The following DIP2C variants were observed in gnomAD, a reference collection of about 807,000 sequenced individuals.
DIP2C encodes the protein disco-interacting protein 2 homolog C.
DIP2C carries 33 observed loss-of-function variants against 192.4 expected under a neutral mutation model. That is an observed-to-expected ratio of 0.17 (90% CI 0.13 to 0.23). The LOEUF (loss-of-function observed/expected upper bound fraction) is 0.23, where lower values mean the gene tolerates loss of function less well. Ranked by LOEUF, DIP2C falls within the 10% of genes least tolerant of loss-of-function variation. The pLI is 1.00. For missense variants in DIP2C, 1,537 were observed against 2,110.1 expected, an observed-to-expected ratio of 0.73 and a Z score of 5.32; for synonymous variants, 979 against 864.1, an observed-to-expected ratio of 1.13 and a Z score of -2.33.
chr10:383,170 A>G (rs1243002860), intron 16 of DIP2C, among the ~76,000 whole-genome samples: 2 of 152,262 alleles, frequency 1.3e-5, no homozygotes, highest in Non-Finnish European at 2.9e-5. Context: ...AAATATAGAT[A>G]TACTTTTCTT....
chr10:683,281 C>T (rs1235401749), intron 1 of DIP2C, among the ~76,000 whole-genome samples: 1 of 152,214 alleles, frequency 6.6e-6, no homozygotes, highest in Non-Finnish European at 1.5e-5. Flanking sequence ...GCGGAGCCCT[C>T]GTTCCGCAGC....
intron 31 of DIP2C, chr10:324,900 C>A (rs1198725049): frequency 1.9e-6 from 1 of 530,284 alleles, no homozygotes; most frequent in Non-Finnish European, 3.9e-6. Flanking sequence ...TCTTTCATCT[C>A]CATGTTTTGG....
chr10:417,502 A>C lies in DIP2C; in HGVS notation c.739+1563T>G, dbSNP rs567322209. 2.0e-5 allele frequency among the ~76,000 whole-genome samples: 3 copies of C among 152,354 alleles called. No individual in the cohort carries two copies. In the East Asian group the frequency reaches 5.8e-4, roughly 29 times the overall value. On this transcript the variant is annotated intron_variant, in intron 6 of 36. Coordinates refer to ENST00000280886, the MANE Select transcript of DIP2C (RefSeq NM_014974.3). ...TTCCAGGAAAAGTCATCGCACTGGC[A>C]ATCAGGGCGATTTCAAGCGCACTAA...
intron 1 of DIP2C, among the ~76,000 whole-genome samples, chr10:489,917 T>G (rs1251908156): frequency 5.1e-5 from 1 of 19,646 alleles, no homozygotes. Context: ...CGGTGCCTGG[T>G]CCTTCCTCCA....
At chr10:542,904 C>T (rs554860552) in intron 1 of DIP2C, among the ~76,000 whole-genome samples, 2 of 151,890 alleles carry the variant, frequency 1.3e-5, no homozygotes, top group East Asian at 1.9e-4. Flanking sequence ...GGGTTCTGAC[C>T]CTGCCTCTCT....
chr10:363,636 C>A lies in DIP2C; in HGVS notation c.2478-325G>T, dbSNP rs919997060. Reference sequence around the variant, plus strand: ...AGACCTGCTGAAATTTAGGGAGTCACACCCTTCACAGCTCGAGTTTGCACC... The same window carrying A: ...AGACCTGCTGAAATTTAGGGAGTCAAACCCTTCACAGCTCGAGTTTGCACC... On this transcript the variant is annotated intron_variant, in intron 20 of 36. Transcript: ENST00000280886. This position sits in a 1 kb window ranked among gnomAD's most constrained non-coding sequence, Gnocchi z 5.4. 1.1e-4 allele frequency among the ~76,000 whole-genome samples: 16 copies of A among 152,224 alleles called. No individual in the cohort carries two copies. Among genetic ancestry groups the A allele is most frequent in the African/African-American group, 3.1e-4 (13 of 41,454 alleles).
At chr10:668,385 TCA>T (rs1242085360) in intron 1 of DIP2C, 2 of 151,226 alleles carry the variant, frequency 1.3e-5, no homozygotes, top group Non-Finnish European at 1.5e-5. Context: ...CACATGGAAC[TCA>T]CAAACACGTA....
intron 8 of DIP2C, among the ~76,000 whole-genome samples, chr10:409,483 C>A (rs1965039594): frequency 6.6e-6 from 1 of 152,228 alleles, no homozygotes; most frequent in Non-Finnish European, 1.5e-5. Flanking sequence ...ATGACTCCAA[C>A]AGTCAGAGCT....
chr10:474,823 G>A (rs1218497049), intron 2 of DIP2C, among the ~76,000 whole-genome samples: 1 of 152,178 alleles, frequency 6.6e-6, no homozygotes, highest in Non-Finnish European at 1.5e-5. Flanking sequence ...ACTTCACTCT[G>A]ATGCTATAAT....
rs749822515 is a variant in DIP2C, at chr10:337,800, C to CGTGTGTTGTGGAGGCCCAGGCAGCTGTGT, written c.3584+3398_3584+3399insACACAGCTGCCTGGGCCTCCACAACACAC. Among the ~76,000 whole-genome samples the CGTGTGTTGTGGAGGCCCAGGCAGCTGTGT allele has an allele frequency of 2.4e-5, 3 of 122,548 alleles. 1 individual carries two copies. The highest frequency in any genetic ancestry group is 6.7e-5 in the African/African-American group (2 of 29,832). 80.4% of individuals were successfully genotyped at this position (122,548 alleles called of 152,430 possible). A position where few individuals can be genotyped will look rare whatever the true frequency, so the allele number is the denominator to read the frequency against. ...AGGCCTAGGCAGCTGTGTGTGTGCA[C>CGTGTGTTGTGGAGGCCCAGGCAGCTGTGT]GTGTGTCGTGGAGGCCTACGCAGCT... On this transcript the variant is annotated intron_variant, in intron 29 of 36. Transcript: ENST00000280886.
intron 1 of DIP2C, among the ~76,000 whole-genome samples, chr10:493,238 T>C (rs1045577331): frequency 6.6e-6 from 1 of 152,212 alleles, no homozygotes. Flanking sequence ...CAGGCAAGCA[T>C]AATTTCTCCA....
rs527738591 is a variant in DIP2C, at chr10:363,986, G to A, written c.2477+388C>T. 6.6e-5 allele frequency among the ~76,000 whole-genome samples: 10 copies of A among 152,312 alleles called. No homozygotes were observed. The highest frequency in any genetic ancestry group is 4.1e-4 in the South Asian group (2 of 4,826). On this transcript the variant is annotated intron_variant, in intron 20 of 36. Transcript: ENST00000280886. The surrounding 1 kb of genome is among the most constrained non-coding windows in gnomAD (Gnocchi z 5.4). Reference sequence around the variant, plus strand: ...GCAGGGAGAAGAAAACTGGTAGAGCGGGGAGGTGGCGAGCGTCTGCACTCA... The same window carrying A: ...GCAGGGAGAAGAAAACTGGTAGAGCAGGGAGGTGGCGAGCGTCTGCACTCA...
intron 1 of DIP2C, among the ~76,000 whole-genome samples, chr10:522,681 G>A (rs1846788347): frequency 6.6e-6 from 1 of 152,224 alleles, no homozygotes; most frequent in Admixed American, 6.5e-5. Flanking sequence ...CTTCTTTGTT[G>A]GGGTATCTGT....
At chr10:609,047 G>C (rs963578780) in intron 1 of DIP2C, among the ~76,000 whole-genome samples, 2 of 151,722 alleles carry the variant, frequency 1.3e-5, no homozygotes, top group South Asian at 2.1e-4. Flanking sequence ...TACCAGTATA[G>C]TCATATAAAC....
At chr10:492,110 T>C (rs1481020006) in intron 1 of DIP2C, among the ~76,000 whole-genome samples, 1 of 152,160 alleles carries the variant, frequency 6.6e-6, no homozygotes. Flanking sequence ...TCAACCACCA[T>C]CTAGGGACCC....
intron 1 of DIP2C, among the ~76,000 whole-genome samples, chr10:576,463 C>T (rs1025337179): frequency 4.6e-5 from 7 of 152,336 alleles, no homozygotes; most frequent in Admixed American, 2.0e-4. Context: ...CTTGCCCATC[C>T]GGCATTCCTT....
At chr10:421,549 T>C (rs2133157738) in intron 5 of DIP2C, among the ~76,000 whole-genome samples, 1 of 152,320 alleles carries the variant, frequency 6.6e-6, no homozygotes, top group East Asian at 1.9e-4. Flanking sequence ...CACATTCCTG[T>C]TCATTGTTTA....
intron 3 of DIP2C, among the ~76,000 whole-genome samples, chr10:452,899 C>T (rs115793472): frequency 0.016 from 2,413 of 152,322 alleles, 70 homozygotes; most frequent in African/African-American, 0.055. Flanking sequence ...TGAGAGCCAA[C>T]GCCAGCGGAT....
At chr10:604,880 G>A (rs1242933316) in intron 1 of DIP2C, among the ~76,000 whole-genome samples, 2 of 152,152 alleles carry the variant, frequency 1.3e-5, no homozygotes, top group Admixed American at 6.5e-5. Context: ...CTCTGACCTC[G>A]GCTGGGCACC....
Sources: allele counts gnomAD v4.1 joint callset (sites outside exome capture counted in the v4.1 genomes callset), GRCh38; gene constraint gnomAD v4.1.1; non-coding constraint Gnocchi (gnomAD v3.1); transcripts MANE v1.5; gene names NCBI Gene and HGNC (gene_info 2026-07-23, HGNC 2026-07-21).